Variants in SLC13A3 observed in about 807,000 individuals in gnomAD.
The protein encoded by SLC13A3 is Na(+)/dicarboxylate cotransporter 3.
SLC13A3 carries 40 observed loss-of-function variants against 59.0 expected under a neutral mutation model. That is an observed-to-expected ratio of 0.68 (90% CI 0.53 to 0.88). SLC13A3 has a LOEUF of 0.88. Among genes scored for constraint, SLC13A3 ranks in the 40% least tolerant of loss-of-function variants. SLC13A3 has a pLI of 0.00. For synonymous variants in SLC13A3, 317 were observed against 330.3 expected (o/e 0.96, Z 0.44); for missense variants, 699 against 783.2 (o/e 0.89, Z 1.28).
At chr20:46,632,936 T>G (rs1475846718) in intron 1 of SLC13A3, among the ~76,000 whole-genome samples, 7 of 57,146 alleles carry the variant, frequency 1.2e-4, no homozygotes, top group Admixed American at 4.9e-4. Context: ...TCTATCTATC[T>G]ATCTATCTAT....
chr20:46,616,095 C>G (rs1199627599), intron 1 of SLC13A3, among the ~76,000 whole-genome samples: 3 of 152,140 alleles, frequency 2.0e-5, no homozygotes, highest in Non-Finnish European at 4.4e-5. Flanking sequence ...GAATCAAACT[C>G]CACAACCAAA....
intron 1 of SLC13A3, among the ~76,000 whole-genome samples, chr20:46,675,425 CA>C (rs1325738068): frequency 1.2e-5 from 1 of 85,994 alleles, no homozygotes. Flanking sequence ...TTTTTTTTTT[CA>C]GTAGAGACAA....
chr20:46,623,290 G>C (rs1176799837), intron 1 of SLC13A3, among the ~76,000 whole-genome samples: 1 of 152,184 alleles, frequency 6.6e-6, no homozygotes, highest in Non-Finnish European at 1.5e-5. Context: ...AATAACTACA[G>C]TATAATGACA....
intron 2 of SLC13A3, among the ~76,000 whole-genome samples, chr20:46,611,938 T>C (rs2062498822): frequency 6.6e-6 from 1 of 152,148 alleles, no homozygotes; most frequent in Admixed American, 6.5e-5. Context: ...AGAAAATGTG[T>C]ATCCTCATTT....
chr20:46,590,733 A>G (rs1387578851), intron 6 of SLC13A3, among the ~76,000 whole-genome samples: 3 of 152,342 alleles, frequency 2.0e-5, no homozygotes, highest in African/African-American at 7.2e-5. Context: ...ATGAAGAATG[A>G]TTTGATAATA....
intron 9 of SLC13A3, among the ~76,000 whole-genome samples, chr20:46,580,632 G>A (rs1271842957): frequency 6.6e-6 from 1 of 152,060 alleles, no homozygotes; most frequent in Non-Finnish European, 1.5e-5. Flanking sequence ...TTTTCTAAGT[G>A]AGAAAGTAAG....
At chr20:46,663,509 G>A (rs2063044258) in intron 1 of SLC13A3, among the ~76,000 whole-genome samples, 1 of 151,986 alleles carries the variant, frequency 6.6e-6, no homozygotes, top group African/African-American at 2.4e-5. Flanking sequence ...TTGTTCAAGG[G>A]AATTTAATCA....
In SLC13A3 at chr20:46,648,626, A is replaced by G. The variant is rs570491672; in HGVS notation, c.111+2685T>C. Among the ~76,000 whole-genome samples the G allele has an allele frequency of 9.2e-5, 14 of 152,292 alleles. No individual in the cohort carries two copies. In the South Asian group the frequency reaches 2.9e-3, roughly 32 times the overall value. ...GAGCATGTAAGGCACAGCAGTTAGAAAGAAGTACAGACTCTTGCCTGTAAT... is the reference window on the plus strand; with the variant it reads ...GAGCATGTAAGGCACAGCAGTTAGAGAGAAGTACAGACTCTTGCCTGTAAT... On this transcript the variant is annotated intron_variant, in intron 1 of 12. Transcript: ENST00000279027.
chr20:46,563,333 G>A, intron 12 of SLC13A3, 81 bp downstream of exon 12: 1 of 1,511,108 alleles, frequency 6.6e-7, no homozygotes, highest in East Asian at 2.3e-5. Context: ...CAGCGTGCAG[G>A]AGTCCTGCAT....
chr20:46,593,482 A>C (rs995218723), intron 5 of SLC13A3, among the ~76,000 whole-genome samples: 2 of 152,244 alleles, frequency 1.3e-5, no homozygotes, highest in Non-Finnish European at 2.9e-5. Context: ...AAATAAGCAA[A>C]CAAAAATATT....
At chr20:46,669,003 T>C (rs1004074120) in intron 1 of SLC13A3, among the ~76,000 whole-genome samples, 1 of 152,194 alleles carries the variant, frequency 6.6e-6, no homozygotes, top group African/African-American at 2.4e-5. Context: ...TTTCATTCCT[T>C]ACTAGGTATG....
chr20:46,589,089 C>T (rs532006165), intron 7 of SLC13A3, 71 bp downstream of exon 7: 2 of 1,398,420 alleles, frequency 1.4e-6, no homozygotes, highest in African/African-American at 1.4e-5. Flanking sequence ...GGGCCCAAGG[C>T]CAGGCCAGGA....
In SLC13A3 at chr20:46,613,464, C is replaced by A; in HGVS notation, c.373G>T (p.Ala125Ser). The change falls in exon 2 of 13, where the codon GCC becomes TCC. Residue 125 changes from alanine (A) to serine (S), a missense_variant. Ala to Ser is a moderately conservative substitution (Grantham distance 99, BLOSUM62 1). Coordinates refer to ENST00000279027, the MANE Select transcript of SLC13A3 (RefSeq NM_022829.6). Reference protein sequence around the residue: ...KILMLVGVQPARLILGMMVTT... With the variant: ...KILMLVGVQPSRLILGMMVTT... ...GGAACCATTACCTGTTCTTACCTGGCCGGCTGGACTCCAACAAGCATCAGG... is the reference window on the plus strand; with the variant it reads ...GGAACCATTACCTGTTCTTACCTGGACGGCTGGACTCCAACAAGCATCAGG... The A allele has an allele frequency of 6.3e-7, 1 of 1,585,656 alleles. No individual in the cohort carries two copies. Among genetic ancestry groups the A allele is most frequent in the Non-Finnish European group, 8.6e-7 (1 of 1,164,098 alleles).
rs1461727457 is a variant in SLC13A3, at chr20:46,560,152, C to T, written c.1679G>A (p.Ser560Asn). Residue 560 changes from serine (S) to asparagine (N), a missense_variant, in exon 13 of 13, where the codon AGT becomes AAT. Transcript: ENST00000279027. Reference sequence around the variant, plus strand: ...CTGTGCCCAGGTATTCATAGCCAAACTGAGCAGCAGGACACCCATCAGGTT... The same window carrying T: ...CTGTGCCCAGGTATTCATAGCCAAATTGAGCAGCAGGACACCCATCAGGTT... Reference protein sequence around the residue: ...LMNLMGVLLLSLAMNTWAQTI... With the variant: ...LMNLMGVLLLNLAMNTWAQTI... 5.0e-6 allele frequency: 8 copies of T among 1,614,200 alleles called. No individual in the cohort carries two copies. The highest frequency in any genetic ancestry group is 5.1e-6 in the Non-Finnish European group (6 of 1,180,030).
intron 1 of SLC13A3, among the ~76,000 whole-genome samples, chr20:46,622,278 A>G (rs2062623242): frequency 1.3e-5 from 2 of 152,178 alleles, no homozygotes; most frequent in Admixed American, 6.5e-5. Flanking sequence ...AGGATCTCAG[A>G]GTCTAGGGAT....
intron 1 of SLC13A3, among the ~76,000 whole-genome samples, chr20:46,657,084 G>C (rs1195871523): frequency 6.6e-6 from 1 of 151,876 alleles, no homozygotes; most frequent in African/African-American, 2.4e-5. Context: ...GACCAGCCTG[G>C]TCAACATGGC....
intron 2 of SLC13A3, among the ~76,000 whole-genome samples, chr20:46,612,163 T>C (rs1056715840): frequency 7.6e-6 from 1 of 132,102 alleles, no homozygotes; most frequent in Non-Finnish European, 1.6e-5. Flanking sequence ...AGGGTCTCAC[T>C]GTTACTGAGG....
At chr20:46,631,984 T>G (rs3092185) in intron 1 of SLC13A3, among the ~76,000 whole-genome samples, 63,521 of 151,848 alleles carry the variant, frequency 0.42, 14,269 homozygotes, top group East Asian at 0.58. Flanking sequence ...CCACCACCAC[T>G]GTCCCCTTCC....
At chr20:46,568,571 T>G (rs1023170526) in intron 10 of SLC13A3, among the ~76,000 whole-genome samples, 1 of 152,184 alleles carries the variant, frequency 6.6e-6, no homozygotes, top group African/African-American at 2.4e-5. Flanking sequence ...AAGGTGTTTC[T>G]GGTACACCTG....
Sources: allele counts gnomAD v4.1 joint callset (sites outside exome capture counted in the v4.1 genomes callset), GRCh38; gene constraint gnomAD v4.1.1; transcripts MANE v1.5; gene names NCBI Gene and HGNC (gene_info 2026-07-23, HGNC 2026-07-21).